Variants in TOP2B observed in about 807,000 individuals in gnomAD.
TOP2B encodes the protein DNA topoisomerase 2-beta.
In TOP2B, 51 loss-of-function variants were observed where a neutral mutation model predicts 193.5. The observed-to-expected ratio is 0.26, with a 90% CI of 0.21 to 0.33. The LOEUF is 0.33. Ranked by LOEUF, TOP2B falls within the 10% of genes least tolerant of loss-of-function variation. TOP2B has a pLI of 1.00. For synonymous variants in TOP2B, 634 were observed against 635.7 expected, an observed-to-expected ratio of 1.00 and a Z score of 0.04; for missense variants, 1,378 against 1,909.3, an observed-to-expected ratio of 0.72 and a Z score of 5.19.
At chr3:25,645,674 G>T (rs576945288) in intron 1 of TOP2B, among the ~76,000 whole-genome samples, 1 of 152,106 alleles carries the variant, frequency 6.6e-6, no homozygotes, top group East Asian at 1.9e-4. Flanking sequence ...AGCCCAAAAC[G>T]TGGGTATAGT....
intron 1 of TOP2B, among the ~76,000 whole-genome samples, chr3:25,659,829 G>A (rs1405303092): frequency 6.6e-6 from 1 of 152,172 alleles, no homozygotes; most frequent in Non-Finnish European, 1.5e-5. Context: ...TGTTTTTAAA[G>A]TTGAAGGCTG....
intron 1 of TOP2B, among the ~76,000 whole-genome samples, chr3:25,660,623 G>C (rs1313235570): frequency 6.6e-6 from 1 of 152,198 alleles, no homozygotes; most frequent in African/African-American, 2.4e-5. Context: ...ACAGTGAAGA[G>C]ATAAATCTAA....
Position 25,599,450 on chromosome 3 carries a change from G to A in TOP2B, c.4695C>T (p.Ser1565=), listed in dbSNP as rs753740891. The A allele has an allele frequency of 3.1e-6, 5 of 1,613,342 alleles. No homozygotes were observed. Among genetic ancestry groups the A allele is most frequent in the Non-Finnish European group, 4.2e-6 (5 of 1,179,588 alleles). Residue 1565 remains serine (S), a synonymous_variant, in exon 35 of 36, where the codon TCC becomes TCT. Coordinates refer to ENST00000264331, the MANE Select transcript of TOP2B (RefSeq NM_001330700.2). ...EGDYNPGRKT[S]KTTSKKPKKT... is the part of the protein sequence containing the mutation. ...TCCCGGTTACCTTGCTTGTTGTTTT[G>A]GATGTTTTCCTGCCAGGGTTATAAT...
At chr3:25,625,264 G>A (rs1417901899) in intron 18 of TOP2B, among the ~76,000 whole-genome samples, 1 of 152,202 alleles carries the variant, frequency 6.6e-6, no homozygotes, top group African/African-American at 2.4e-5. Context: ...AAAGGCTTTA[G>A]AATCTCACTA....
intron 10 of TOP2B, 50 bp downstream of exon 10, chr3:25,632,392 ACTAC>A: frequency 7.0e-7 from 1 of 1,422,898 alleles, no homozygotes; most frequent in Non-Finnish European, 9.5e-7. Context: ...AATCAAGAAA[ACTAC>A]CTAATCAACT....
intron 1 of TOP2B, among the ~76,000 whole-genome samples, chr3:25,659,386 C>A (rs1170915288): frequency 6.6e-6 from 1 of 152,100 alleles, no homozygotes; most frequent in Admixed American, 6.5e-5. Flanking sequence ...TAGGCTTTCT[C>A]TATAATAAAG....
At chr3:25,653,529 CCTT>C (rs1290625874) in intron 1 of TOP2B, among the ~76,000 whole-genome samples, 10 of 152,018 alleles carry the variant, frequency 6.6e-5, no homozygotes, top group Non-Finnish European at 4.4e-5. Context: ...CCACCCTCCT[CCTT>C]AATACCCCAC....
At chr3:25,624,506 C>A (rs1702744387) in intron 19 of TOP2B, 61 bp from the exon 20 acceptor site, 22 of 1,566,258 alleles carry the variant, frequency 1.4e-5, no homozygotes, top group Non-Finnish European at 1.8e-5. Flanking sequence ...TAATTACTCC[C>A]CAACTTGAAT....
intron 2 of TOP2B, 28 bp downstream of exon 2, chr3:25,645,272 A>G (rs1158550954): frequency 1.3e-6 from 2 of 1,499,566 alleles, no homozygotes; most frequent in African/African-American, 2.8e-5. Context: ...CACATCTCCT[A>G]ATTTCAATCA....
intron 33 of TOP2B, among the ~76,000 whole-genome samples, chr3:25,603,261 T>C (rs1334639372): frequency 6.6e-6 from 1 of 152,140 alleles, no homozygotes; most frequent in Non-Finnish European, 1.5e-5. Flanking sequence ...TTATTTGAGA[T>C]GGAGTCTCAC....
chr3:25,662,346 A>G (rs1703941608), intron 1 of TOP2B, among the ~76,000 whole-genome samples: 1 of 152,206 alleles, frequency 6.6e-6, no homozygotes, highest in Non-Finnish European at 1.5e-5. Flanking sequence ...TATATGATCA[A>G]TGATGTATAT....
rs577414824 is a variant in TOP2B, at chr3:25,654,293, T to C, written c.70-8823A>G. On this transcript the variant is annotated intron_variant, in intron 1 of 35. Transcript: ENST00000264331. ...TGGTTATGTTTTCATGCAGTAACCA[T>C]GACCAATCAAAAAAGGAAATTATGA... Among the ~76,000 whole-genome samples, 10 of 152,196 alleles carry C rather than the reference T, an allele frequency of 6.6e-5. No homozygotes were observed. The South Asian group carries it at 1.7e-3, about 25-fold the overall frequency.
In TOP2B at chr3:25,624,745, A is replaced by T; in HGVS notation, c.2283T>A (p.Arg761=). Residue 761 remains arginine (R), a synonymous_variant, in exon 19 of 36, where the codon CGT becomes CGA. Coordinates refer to ENST00000264331, the MANE Select transcript of TOP2B (RefSeq NM_001330700.2). ...CAGCCAACTGGGCAACTTTTACTTC[A>T]CGTTTATCATTCCTCTTGAAACAGG... ...LFTCFKRNDK[R]EVKVAQLAGS... 1 of 1,613,768 alleles carries T rather than the reference A, an allele frequency of 6.2e-7. No individual in the cohort carries two copies. The highest frequency in any genetic ancestry group is 1.1e-5 in the South Asian group (1 of 91,074).
At chr3:25,609,377 C>A (rs1192661076) in intron 29 of TOP2B, 33 bp from the exon 30 acceptor site, 21 of 1,527,452 alleles carry the variant, frequency 1.4e-5, no homozygotes, top group East Asian at 2.3e-5. Flanking sequence ...AGGTATGTAT[C>A]CATATTTATA....
Position 25,598,370 on chromosome 3 carries a change from T to C in TOP2B, c.4818A>G (p.Glu1606=). 1.2e-6 allele frequency: 2 copies of C among 1,613,454 alleles called. No homozygotes were observed. The highest frequency in any genetic ancestry group is 1.7e-6 in the Non-Finnish European group (2 of 1,179,560). Residue 1606 remains glutamate (E), a synonymous_variant, in exon 36 of 36, where the codon GAA becomes GAG. Coordinates refer to ENST00000264331, the MANE Select transcript of TOP2B (RefSeq NM_001330700.2). ...SLPRTGRARK[E]VKYFAESDEE... ...CATCAGACTCTGCAAAATATTTTAC[T>C]TCTTTCCTAGCCCGACCGGTTCGTG... is the stretch of plus-strand genomic sequence containing the variant.
intron 2 of TOP2B, 148 bp downstream of exon 2, chr3:25,645,152 T>C (rs1703380359): frequency 2.6e-6 from 2 of 755,562 alleles, no homozygotes; most frequent in Non-Finnish European, 4.1e-6. Context: ...TAAATACATT[T>C]CTACTTCTAG....
Position 25,638,176 on chromosome 3 carries a change from T to C in TOP2B, c.530A>G (p.Lys177Arg). Reference protein sequence around the residue: ...LTSSNYDDDEKKVTGGRNGYG... With the variant: ...LTSSNYDDDERKVTGGRNGYG... ...CATTCAGACTTTACCTGTAACTTTT[T>C]TCTCATCATCATCATAGTTACTGGA... The change falls in exon 5 of 36, where the codon AAA becomes AGA. Residue 177 changes from lysine to arginine, a missense_variant. By Grantham distance (26) the Lys-to-Arg change is conservative. Transcript: ENST00000264331. 9 of 1,569,034 alleles carry C rather than the reference T, an allele frequency of 5.7e-6. No individual in the cohort carries two copies. Among genetic ancestry groups the C allele is most frequent in the Non-Finnish European group, 7.8e-6 (9 of 1,155,742 alleles).
At chr3:25,645,274 T>A (rs1471546605) in intron 2 of TOP2B, 26 bp downstream of exon 2, 2 of 1,503,748 alleles carry the variant, frequency 1.3e-6, no homozygotes, top group Admixed American at 4.4e-5. Context: ...CATCTCCTAA[T>A]TTCAATCAAT....
At chr3:25,624,854 C>G (rs1341020591) in intron 18 of TOP2B, 51 bp from the exon 19 acceptor site, 9 of 1,558,154 alleles carry the variant, frequency 5.8e-6, no homozygotes, top group Non-Finnish European at 7.8e-6. Context: ...ATAGTTGTAA[C>G]AATTCAGGGG....
Sources: allele counts gnomAD v4.1 joint callset (sites outside exome capture counted in the v4.1 genomes callset), GRCh38; gene constraint gnomAD v4.1.1; transcripts MANE v1.5; gene names NCBI Gene and HGNC (gene_info 2026-07-23, HGNC 2026-07-21).